UBE2K: variants seen among roughly 807,000 people sequenced by gnomAD.
UBE2K encodes ubiquitin conjugating enzyme E2 K, also known as ubiquitin-conjugating enzyme E2 K.
A neutral mutation model predicts 30.0 loss-of-function variants in UBE2K; 6 were observed. The observed-to-expected ratio is 0.20, with a 90% confidence interval of 0.11 to 0.39. The LOEUF is 0.39. UBE2K is among the 10% of genes least tolerant of loss of function. The pLI, the probability that UBE2K is intolerant of heterozygous loss-of-function variation, is 1.00. For missense variants in UBE2K, 61 were observed against 241.6 expected (o/e 0.25, Z 4.96); for synonymous variants, 86 against 83.7 (o/e 1.03, Z -0.15).
intron 3 of UBE2K, among the ~76,000 whole-genome samples, chr4:39,755,106 A>G (rs1341401897): frequency 6.6e-6 from 1 of 152,212 alleles, no homozygotes; most frequent in East Asian, 1.9e-4. Context: ...TAGATTTCTT[A>G]AACTCTAAGC....
At chr4:39,760,195 GAAA>G (rs71194914) in intron 4 of UBE2K, among the ~76,000 whole-genome samples, 1 of 102,584 alleles carries the variant, frequency 9.7e-6, no homozygotes, top group Admixed American at 1.2e-4. Flanking sequence ...AAAAAAAACA[GAAA>G]AAAAAAAAAA....
chr4:39,739,653 G>T (rs1426591996), intron 2 of UBE2K, among the ~76,000 whole-genome samples: 1 of 151,850 alleles, frequency 6.6e-6, no homozygotes, highest in Non-Finnish European at 1.5e-5. Context: ...CACCATATTG[G>T]CCAGGCTTGT....
chr4:39,716,759 A>G (rs750326406), intron 1 of UBE2K, among the ~76,000 whole-genome samples: 1 of 152,130 alleles, frequency 6.6e-6, no homozygotes, highest in Non-Finnish European at 1.5e-5. Flanking sequence ...GCACTTTAGG[A>G]GGCCAAGGCG....
chr4:39,730,225 C>T (rs1001665392), intron 1 of UBE2K, among the ~76,000 whole-genome samples: 2 of 152,118 alleles, frequency 1.3e-5, no homozygotes, highest in African/African-American at 4.8e-5. Flanking sequence ...CACTCTGTCA[C>T]ACAGGCTGGT....
chr4:39,738,341 T>G (rs1720491596), intron 2 of UBE2K, among the ~76,000 whole-genome samples: 1 of 152,172 alleles, frequency 6.6e-6, no homozygotes, highest in African/African-American at 2.4e-5. Flanking sequence ...GTTTCATAGA[T>G]GAAGAAACAA....
intron 4 of UBE2K, among the ~76,000 whole-genome samples, chr4:39,769,887 C>T (rs1420913497): frequency 1.3e-5 from 2 of 152,196 alleles, no homozygotes; most frequent in African/African-American, 4.8e-5. Context: ...GCTCCAGCTT[C>T]TTGCACTCTC....
chr4:39,727,509 G>A (rs1450721566), intron 1 of UBE2K, among the ~76,000 whole-genome samples: 1 of 151,786 alleles, frequency 6.6e-6, no homozygotes, highest in African/African-American at 2.4e-5. Flanking sequence ...CTATGGCCAT[G>A]CACCACCACA....
intron 3 of UBE2K, among the ~76,000 whole-genome samples, chr4:39,753,202 A>G (rs951509148): frequency 2.6e-5 from 4 of 152,130 alleles, no homozygotes; most frequent in African/African-American, 9.7e-5. Context: ...CAGCCTGGGT[A>G]ATATGGTGAA....
At chr4:39,704,655 C>G (rs1391298063) in intron 1 of UBE2K, among the ~76,000 whole-genome samples, 1 of 151,980 alleles carries the variant, frequency 6.6e-6, no homozygotes, top group East Asian at 1.9e-4. Context: ...ATCCTCCTAC[C>G]TCAGCCTTCC....
chr4:39,774,065 G>A (rs1421495563), intron 4 of UBE2K, among the ~76,000 whole-genome samples: 1 of 152,202 alleles, frequency 6.6e-6, no homozygotes, highest in Non-Finnish European at 1.5e-5. Context: ...GGGAGGCCAA[G>A]GTGGATGGAT....
intron 1 of UBE2K, among the ~76,000 whole-genome samples, chr4:39,703,391 A>G (rs1718144381): frequency 6.6e-6 from 1 of 151,966 alleles, no homozygotes; most frequent in Non-Finnish European, 1.5e-5. Flanking sequence ...GTATGTGCCT[A>G]TAGTGGCAGC....
intron 1 of UBE2K, among the ~76,000 whole-genome samples, chr4:39,730,362 C>T (rs954694261): frequency 2.0e-5 from 3 of 151,836 alleles, no homozygotes; most frequent in Admixed American, 6.6e-5. Flanking sequence ...TTTTTTTCCA[C>T]GCTGTAGAGA....
chr4:39,702,362 C>T (rs167327), intron 1 of UBE2K, among the ~76,000 whole-genome samples: 1 of 149,710 alleles, frequency 6.7e-6, no homozygotes, highest in Admixed American at 6.8e-5. Flanking sequence ...TCAAGCAATT[C>T]TCCTGCCTCG....
intron 1 of UBE2K, chr4:39,714,540 A>ATTTTTTTTTTTTT (rs1316202885): frequency 4.9e-5 from 1 of 20,578 alleles, no homozygotes; most frequent in Non-Finnish European, 7.5e-5. Flanking sequence ...ATATATATAT[A>ATTTTTTTTTTTTT]TATATATATA....
Position 39,781,847 on chromosome 4 carries a change from G to A in UBE2K, c.*3413G>A, listed in dbSNP as rs190335842. 2.3e-5 allele frequency: 9 copies of A among 397,846 alleles called. No individual in the cohort carries two copies. Among genetic ancestry groups the A allele is most frequent in the South Asian group, 2.6e-4 (2 of 7,840 alleles). 24.6% of individuals were successfully genotyped at this position (397,846 alleles called of 1,614,324 possible). On this transcript the variant is annotated 3_prime_UTR_variant, in exon 7 of 7. Transcript: ENST00000261427. ...TACAAACCATTGATTTAAAAATTACGTTTCCATTCTTTTTAGTATCAGTTT... is the reference window on the plus strand; with the variant it reads ...TACAAACCATTGATTTAAAAATTACATTTCCATTCTTTTTAGTATCAGTTT...
intron 4 of UBE2K, chr4:39,770,567 C>T (rs1404096677): frequency 5.7e-5 from 90 of 1,586,744 alleles, no homozygotes; most frequent in Non-Finnish European, 7.1e-5. Flanking sequence ...CCACCAGGCC[C>T]GAGGTGGCCC....
chr4:39,699,318 T>G (rs1717878787), intron 1 of UBE2K, among the ~76,000 whole-genome samples: 1 of 151,426 alleles, frequency 6.6e-6, no homozygotes, highest in South Asian at 2.1e-4. Context: ...ATTCTTACTT[T>G]TGAAAAGCAG....
intron 3 of UBE2K, among the ~76,000 whole-genome samples, 182 bp downstream of exon 3, chr4:39,745,992 A>G (rs1578469935): frequency 6.6e-6 from 1 of 152,142 alleles, no homozygotes; most frequent in Non-Finnish European, 1.5e-5. Context: ...TTAGAATGAA[A>G]AGCAAACTCA....
At chr4:39,715,222 G>A (rs540488136) in intron 1 of UBE2K, among the ~76,000 whole-genome samples, 2 of 151,620 alleles carry the variant, frequency 1.3e-5, no homozygotes, top group South Asian at 2.1e-4. Flanking sequence ...GTAGAGATGG[G>A]GTTTCACCAT....
Sources: gnomAD v4.1 joint callset for allele counts (sites outside exome capture counted in the v4.1 genomes callset) on GRCh38, gnomAD v4.1.1 for gene constraint, MANE v1.5 for transcripts, NCBI Gene and HGNC (gene_info 2026-07-23, HGNC 2026-07-21) for gene names.